SYT1: variants seen among roughly 807,000 people sequenced by gnomAD.
The protein encoded by SYT1 is synaptotagmin 1.
In SYT1, 8 loss-of-function variants were observed where a neutral mutation model predicts 44.8. The ratio of observed to expected loss-of-function variants is 0.18; its 90% CI spans 0.10 to 0.32. The LOEUF (loss-of-function observed/expected upper bound fraction) is 0.32. Among genes scored for constraint, SYT1 ranks in the 10% least tolerant of loss-of-function variants. The pLI, the probability that SYT1 is intolerant of heterozygous loss-of-function variation, is 1.00. For missense variants in SYT1, 286 were observed against 509.3 expected (o/e 0.56, Z 4.22); for synonymous variants, 154 against 188.8 (o/e 0.82, Z 1.51).
intron 9 of SYT1, among the ~76,000 whole-genome samples, chr12:79,425,679 G>A (rs1869403092): frequency 6.6e-6 from 1 of 152,080 alleles, no homozygotes; most frequent in Non-Finnish European, 1.5e-5. Flanking sequence ...TTTTTTAGAA[G>A]TACATTGACA....
chr12:79,225,851 C>G (rs1480338014), intron 4 of SYT1, among the ~76,000 whole-genome samples: 1 of 152,174 alleles, frequency 6.6e-6, no homozygotes, highest in Admixed American at 6.5e-5. Context: ...AAATTGCAAT[C>G]CATTCATCTC....
At position 78,949,095 on chromosome 12, in the gene SYT1, T is replaced by C. The variant is rs375263208; in HGVS notation, c.-216-28704T>C. 9.9e-5 allele frequency among the ~76,000 whole-genome samples: 15 copies of C among 151,596 alleles called. 1 individual carries two copies. Among genetic ancestry groups the C allele is most frequent in the East Asian group, 5.8e-4 (3 of 5,162 alleles). ...TCGTCTTTATGCCAGTTGCTAGTGATTGGCTATAGGACTTCTCCAAACAAG... is the reference window on the plus strand; with the variant it reads ...TCGTCTTTATGCCAGTTGCTAGTGACTGGCTATAGGACTTCTCCAAACAAG... On this transcript the variant is annotated intron_variant, in intron 1 of 10. Transcript: ENST00000261205.
chr12:79,282,416 A>G (rs1879097895), intron 4 of SYT1, among the ~76,000 whole-genome samples: 2 of 152,232 alleles, frequency 1.3e-5, no homozygotes, highest in Admixed American at 1.3e-4. Context: ...TAAAATTTTT[A>G]ATAGAGTTTT....
intron 8 of SYT1, among the ~76,000 whole-genome samples, chr12:79,352,718 A>G (rs183434745): frequency 1.1e-3 from 161 of 152,320 alleles, no homozygotes; most frequent in Middle Eastern, 6.8e-3. Flanking sequence ...AAAATTCTCT[A>G]TACCATCATC....
chr12:79,390,753 C>G (rs1486106205), intron 9 of SYT1, among the ~76,000 whole-genome samples: 3 of 152,190 alleles, frequency 2.0e-5, no homozygotes, highest in African/African-American at 7.2e-5. Flanking sequence ...AACCTTTCAA[C>G]ACTTTTCCTT....
At chr12:79,234,121 A>G (rs912357616) in intron 4 of SYT1, among the ~76,000 whole-genome samples, 2 of 151,814 alleles carry the variant, frequency 1.3e-5, no homozygotes, top group East Asian at 1.9e-4. Flanking sequence ...GTCTCCTCCA[A>G]TTGCCTACAG....
chr12:79,021,893 A>G (rs983118864), intron 2 of SYT1, among the ~76,000 whole-genome samples: 2 of 151,760 alleles, frequency 1.3e-5, no homozygotes, highest in Non-Finnish European at 2.9e-5. Flanking sequence ...TTATATTTGT[A>G]CGCCCCCTTT....
rs146206208 is a variant in SYT1 at position 79,052,997 on chromosome 12, C to T, written c.-18+5635C>T. Among the ~76,000 whole-genome samples, 1,129 of 152,188 alleles carry T rather than the reference C, an allele frequency of 7.4e-3. 14 individuals carry two copies. The highest frequency in any genetic ancestry group is 0.015 in the South Asian group (72 of 4,818). On this transcript the variant is annotated intron_variant, in intron 3 of 10. Coordinates refer to ENST00000261205, the MANE Select transcript of SYT1 (RefSeq NM_005639.3). ...AGAAATACCATTTGACCCAGCAACA[C>T]CATTACTGGGTATACACCCAAAGGA...
chr12:79,434,733 T>C (rs1869989427), intron 9 of SYT1, among the ~76,000 whole-genome samples: 1 of 152,186 alleles, frequency 6.6e-6, no homozygotes, highest in African/African-American at 2.4e-5. Context: ...GATGTCTCTC[T>C]GCAAATAAGT....
At chr12:78,935,795 T>C (rs191334801) in intron 1 of SYT1, among the ~76,000 whole-genome samples, 71 of 152,226 alleles carry the variant, frequency 4.7e-4, no homozygotes, top group African/African-American at 1.7e-3. Context: ...GGTTACTAAG[T>C]ATTTAAGAGC....
At chr12:78,964,339 T>C (rs1393983937) in intron 1 of SYT1, among the ~76,000 whole-genome samples, 2 of 152,204 alleles carry the variant, frequency 1.3e-5, no homozygotes, top group Non-Finnish European at 2.9e-5. Context: ...CCCTTTCTTA[T>C]ATTTCATAAT....
chr12:79,296,266 C>A, intron 7 of SYT1, 30 bp downstream of exon 7: 1 of 1,595,142 alleles, frequency 6.3e-7, no homozygotes, highest in Non-Finnish European at 8.5e-7. Flanking sequence ...TATAACCTTT[C>A]CTTTGTTGTT....
chr12:78,917,692 C>A (rs1876747716), intron 1 of SYT1, among the ~76,000 whole-genome samples: 1 of 151,608 alleles, frequency 6.6e-6, no homozygotes, highest in Non-Finnish European at 1.5e-5. Context: ...GCTGCCCACC[C>A]ACACATCCCC....
At chr12:78,981,015 A>T (rs1345093947) in intron 2 of SYT1, among the ~76,000 whole-genome samples, 1 of 152,092 alleles carries the variant, frequency 6.6e-6, no homozygotes, top group Non-Finnish European at 1.5e-5. Context: ...TGAACTAGCT[A>T]TTAAAAAGAA....
At chr12:79,171,752 TG>T (rs1480342505) in intron 3 of SYT1, among the ~76,000 whole-genome samples, 1 of 151,986 alleles carries the variant, frequency 6.6e-6, no homozygotes, top group Non-Finnish European at 1.5e-5. Context: ...CTATACTCCT[TG>T]CTAGCTGTGT....
chr12:78,911,576 AC>A (rs201006556), intron 1 of SYT1, among the ~76,000 whole-genome samples: 144 of 149,946 alleles, frequency 9.6e-4, no homozygotes, highest in South Asian at 1.3e-3. Flanking sequence ...CAAAAAAAAA[AC>A]AGTCTCCTTT....
chr12:79,296,028 C>A, intron 6 of SYT1, 41 bp from the exon 7 acceptor site: 2 of 1,555,254 alleles, frequency 1.3e-6, no homozygotes, highest in African/African-American at 1.4e-5. Context: ...CCAAAATGTC[C>A]ACTGATATTT....
At chr12:79,160,497 T>G (rs1038292505) in intron 3 of SYT1, among the ~76,000 whole-genome samples, 9 of 152,132 alleles carry the variant, frequency 5.9e-5, no homozygotes, top group African/African-American at 2.2e-4. Context: ...AGGAGACAGA[T>G]TCAAGACATA....
At chr12:79,134,796 A>G (rs1213349636) in intron 3 of SYT1, among the ~76,000 whole-genome samples, 1 of 152,084 alleles carries the variant, frequency 6.6e-6, no homozygotes. Flanking sequence ...ATTCTAATAG[A>G]GTAGAATGGT....
Sources: allele counts gnomAD v4.1 joint callset (sites outside exome capture counted in the v4.1 genomes callset), GRCh38; gene constraint gnomAD v4.1.1; transcripts MANE v1.5; gene names NCBI Gene and HGNC (gene_info 2026-07-23, HGNC 2026-07-21).